Variants in CFAP74 observed in about 807,000 individuals in gnomAD.
CFAP74 encodes the protein cilia and flagella associated protein 74.
In CFAP74, 124 loss-of-function variants were observed where a neutral mutation model predicts 188.9. The observed-to-expected ratio is 0.66, with a 90% CI of 0.57 to 0.76. CFAP74 has a LOEUF of 0.76. CFAP74 is among the 30% of genes least tolerant of loss of function. CFAP74 has a pLI of 0.00. For missense variants in CFAP74, 2,198 were observed against 2,165.2 expected, an observed-to-expected ratio of 1.02 and a Z score of -0.30; for synonymous variants, 956 against 916.7, an observed-to-expected ratio of 1.04 and a Z score of -0.77.
intron 10 of CFAP74, among the ~76,000 whole-genome samples, chr1:1,970,090 G>C (rs1655834139): frequency 6.6e-6 from 1 of 152,358 alleles, no homozygotes; most frequent in Non-Finnish European, 1.5e-5. Context: ...GTGGGTGGGG[G>C]GTCCGAGAGG....
intron 16 of CFAP74, among the ~76,000 whole-genome samples, chr1:1,958,233 T>TG (rs1392395073): frequency 6.6e-6 from 1 of 152,106 alleles, no homozygotes; most frequent in African/African-American, 2.4e-5. Flanking sequence ...CTTCCTGGGG[T>TG]GGGGGACATA....
chr1:1,998,054 G>T (rs568300153), intron 1 of CFAP74, among the ~76,000 whole-genome samples: 3 of 152,270 alleles, frequency 2.0e-5, no homozygotes. Flanking sequence ...GAGGCGGGTG[G>T]ATCACCTGAG....
At chr1:1,965,518 G>A (rs985020676) in intron 12 of CFAP74, among the ~76,000 whole-genome samples, 7 of 152,226 alleles carry the variant, frequency 4.6e-5, no homozygotes, top group African/African-American at 1.7e-4. Context: ...CCAGCAACCA[G>A]GAAGATCAGA....
chr1:1,956,917 C>T, intron 16 of CFAP74, 133 bp from the exon 17 acceptor site: 1 of 883,240 alleles, frequency 1.1e-6, no homozygotes. Context: ...CAAGCAGGTA[C>T]ACGATTCAAC....
chr1:1,922,828 C>G (rs1447616230), intron 37 of CFAP74, 105 bp from the exon 38 acceptor site: 1 of 1,488,194 alleles, frequency 6.7e-7, no homozygotes, highest in African/African-American at 1.4e-5. Flanking sequence ...CCAGCTCTGA[C>G]CAGGCTGCCC....
intron 22 of CFAP74, 47 bp downstream of exon 22, chr1:1,941,981 C>A: frequency 7.0e-7 from 1 of 1,431,352 alleles, no homozygotes; most frequent in Admixed American, 2.8e-5. Context: ...TCGGAGCCCA[C>A]AACCTCCCAC....
At position 1,959,998 on chromosome 1, in the gene CFAP74, A is replaced by G. The variant is rs573446330; in HGVS notation, c.1727T>C (p.Met576Thr). 7.5e-6 allele frequency: 12 copies of G among 1,595,338 alleles called. No homozygotes were observed. Among genetic ancestry groups the G allele is most frequent in the Middle Eastern group, 1.7e-4 (1 of 5,994 alleles). Residue 576 changes from methionine (M) to threonine (T), a missense_variant, in exon 15 of 39, where the codon ATG (methionine) becomes ACG (threonine). Physicochemically the swap from Met to Thr is moderately conservative, Grantham distance 81 (BLOSUM62 -1). Transcript: ENST00000682832. ...FDPPGPLSAG[M>T]SCEVLVTFKP... The stretch of plus-strand genomic sequence containing the variant: ...GAAGGTGACAAGCACTTCACAGGAC[A>G]TTCCGGCTGACAGGGGGCCAGGGGG...
rs780922875 is a variant in CFAP74 at position 1,972,965 on chromosome 1, C to T, written c.757G>A (p.Val253Met). Residue 253 changes from valine (V) to methionine (M), a missense_variant, in exon 8 of 39, where the codon GTG (valine) becomes ATG (methionine). Physicochemically the swap from Val to Met is conservative, Grantham distance 21. Transcript: ENST00000682832. ...CCCAGGGAGGCCTTCAGGAACCGCA[C>T]GGCAACCTTGTGGTTCTTCCGGGCG... ...EDARKNHKVA[V>M]RFLKASLGRI... is the part of the protein sequence containing the mutation. The T allele has an allele frequency of 1.9e-5, 31 of 1,613,802 alleles. No homozygotes were observed. Among genetic ancestry groups the T allele is most frequent in the Admixed American group, 3.3e-5 (2 of 60,008 alleles).
chr1:1,923,944 G>A lies in CFAP74; in HGVS notation c.4235-15C>T. On this transcript the variant is annotated splice_polypyrimidine_tract_variant and intron_variant, in intron 34 of 38. Transcript: ENST00000682832. This position sits in a 1 kb window ranked among gnomAD's most constrained non-coding sequence, Gnocchi z 6.3. ...ATTCTGCGTCCCTGCGGGTAGGGTG[G>A]GGTGCAGTTTGGCCTTCTCCACCTG... is the stretch of plus-strand genomic sequence containing the variant. 2.5e-6 allele frequency: 4 copies of A among 1,600,182 alleles called. No homozygotes were observed. Among genetic ancestry groups the A allele is most frequent in the Non-Finnish European group, 2.6e-6 (3 of 1,172,900 alleles).
intron 20 of CFAP74, among the ~76,000 whole-genome samples, 163 bp downstream of exon 20, chr1:1,946,154 G>A (rs920508326): frequency 1.8e-4 from 28 of 152,380 alleles, no homozygotes; most frequent in African/African-American, 6.5e-4. Context: ...GTGCACACTC[G>A]TGTGCGTGCG....
intron 25 of CFAP74, among the ~76,000 whole-genome samples, chr1:1,930,988 G>T (rs1369023587): frequency 6.6e-6 from 1 of 152,034 alleles, no homozygotes; most frequent in Non-Finnish European, 1.5e-5. Flanking sequence ...TTTCCCCATT[G>T]ATTTTTGTCC....
Position 1,966,522 on chromosome 1 carries a change from T to C in CFAP74, c.1250A>G (p.Tyr417Cys), listed in dbSNP as rs1464061210. Residue 417 changes from tyrosine to cysteine, a missense_variant, in exon 12 of 39, where the codon TAC becomes TGC. Transcript: ENST00000682832. ...TVPTNTYTLD[Y>C]EAAAGPGPSR... ...GGGCCCGGGGCCTGCAGCAGCCTCG[T>C]AGTCCTGCAGTCGGGGAGAGGAACA... 3.9e-6 allele frequency: 6 copies of C among 1,557,914 alleles called. No individual in the cohort carries two copies. Among genetic ancestry groups the C allele is most frequent in the Admixed American group, 1.9e-5 (1 of 52,352 alleles).
rs1312343214 is a variant in CFAP74 at position 1,979,606 on chromosome 1, T to C, written c.501-5408A>G. 3.2e-5 allele frequency among the ~76,000 whole-genome samples: 4 copies of C among 125,302 alleles called. No homozygotes were observed. The East Asian group carries it at 1.0e-3, about 32-fold the overall frequency. 82.2% of individuals were successfully genotyped at this position (125,302 alleles called of 152,430 possible). ...GCAGAACATGCGTGTGGTACTGAGC[T>C]GGGTGTGGGAAGGCATCACGTGACG... is the stretch of plus-strand genomic sequence containing the variant. On this transcript the variant is annotated intron_variant, in intron 6 of 38. Coordinates refer to ENST00000682832, the MANE Select transcript of CFAP74 (RefSeq NM_001304360.2).
At chr1:1,925,685 C>T (rs1012267348) in intron 33 of CFAP74, 98 bp downstream of exon 33, 22 of 1,383,080 alleles carry the variant, frequency 1.6e-5, no homozygotes, top group Middle Eastern at 2.2e-4. Flanking sequence ...ACGGGCTCTC[C>T]GACCCACGGG....
chr1:1,966,274 A>G, intron 12 of CFAP74, 97 bp downstream of exon 12: 1 of 1,192,690 alleles, frequency 8.4e-7, no homozygotes, highest in Non-Finnish European at 1.1e-6. Flanking sequence ...GAAGCCTCAG[A>G]GCAGCTGGTG....
At chr1:1,949,047 CCTCCT>C (rs747945021) in intron 18 of CFAP74, among the ~76,000 whole-genome samples, 4 of 118,794 alleles carry the variant, frequency 3.4e-5, no homozygotes, top group South Asian at 3.1e-4. Flanking sequence ...TCCTTCCTTC[CCTCCT>C]TTCCTTCCTT....
intron 1 of CFAP74, among the ~76,000 whole-genome samples, chr1:1,998,072 G>C (rs1048854941): frequency 6.6e-6 from 1 of 152,296 alleles, no homozygotes; most frequent in East Asian, 1.9e-4. Context: ...GAGGTCAGGA[G>C]TTCGAGACCT....
intron 15 of CFAP74, among the ~76,000 whole-genome samples, chr1:1,959,729 G>A (rs943940506): frequency 8.5e-5 from 13 of 152,204 alleles, no homozygotes; most frequent in Admixed American, 4.6e-4. Context: ...ACTTAGACCC[G>A]AGAGTGCACG....
At chr1:1,940,984 G>A (rs1653330775) in intron 22 of CFAP74, among the ~76,000 whole-genome samples, 1 of 152,000 alleles carries the variant, frequency 6.6e-6, no homozygotes, top group Non-Finnish European at 1.5e-5. Flanking sequence ...GTGGTGGCGG[G>A]CGCCTGTAGT....
Sources: allele counts gnomAD v4.1 joint callset (sites outside exome capture counted in the v4.1 genomes callset), GRCh38; gene constraint gnomAD v4.1.1; non-coding constraint Gnocchi (gnomAD v3.1); transcripts MANE v1.5; gene names NCBI Gene and HGNC (gene_info 2026-07-23, HGNC 2026-07-21).